ARB2A: variants seen among roughly 807,000 people sequenced by gnomAD.
ARB2A encodes the protein cotranscriptional regulator ARB2A.
the ARB2A span, among the ~76,000 whole-genome samples, chr5:93,986,717 C>G: frequency 6.6e-6 from 1 of 152,104 alleles, no homozygotes; most frequent in Non-Finnish European, 1.5e-5. Flanking sequence ...AACCTTACCC[C>G]CAACCCGGTG....
At chr5:93,980,145 T>G in the ARB2A span, among the ~76,000 whole-genome samples, 359 of 152,298 alleles carry the variant, frequency 2.4e-3, no homozygotes, top group African/African-American at 8.2e-3. Flanking sequence ...TTCTTTCTTC[T>G]TATTAATTCA....
At chr5:93,823,685 C>T in the ARB2A span, among the ~76,000 whole-genome samples, 1 of 152,128 alleles carries the variant, frequency 6.6e-6, no homozygotes, top group African/African-American at 2.4e-5. Context: ...CTGGTTAGCA[C>T]TAAAAAGCTC....
the ARB2A span, among the ~76,000 whole-genome samples, chr5:93,660,189 T>C: frequency 6.6e-6 from 1 of 152,170 alleles, no homozygotes; most frequent in Admixed American, 6.5e-5. Flanking sequence ...TCTCACAATA[T>C]GTAAGTGCTA....
chr5:94,037,913 CATATTACTAAT>C, the ARB2A span, among the ~76,000 whole-genome samples: 3 of 151,948 alleles, frequency 2.0e-5, no homozygotes, highest in African/African-American at 7.2e-5. Context: ...TTTTAGAAAA[CATATTACTAAT>C]TTAGGTCCAG....
At chr5:93,983,750 C>T in the ARB2A span, among the ~76,000 whole-genome samples, 1 of 152,178 alleles carries the variant, frequency 6.6e-6, no homozygotes, top group African/African-American at 2.4e-5. Flanking sequence ...CAAAATCACA[C>T]GCTCTTGATA....
the ARB2A span, among the ~76,000 whole-genome samples, chr5:93,874,971 T>C: frequency 6.6e-6 from 1 of 152,326 alleles, no homozygotes; most frequent in African/African-American, 2.4e-5. Flanking sequence ...AGATGCTATG[T>C]TTGCTTTACA....
chr5:93,736,466 T>C, the ARB2A span: 22 of 152,358 alleles, frequency 1.4e-4, no homozygotes, highest in African/African-American at 5.3e-4. Flanking sequence ...CTTCATGTTG[T>C]GGACTATGGA....
At chr5:94,002,449 G>GTT in the ARB2A span, among the ~76,000 whole-genome samples, 17 of 145,766 alleles carry the variant, frequency 1.2e-4, no homozygotes, top group African/African-American at 4.2e-4. Flanking sequence ...TATAGTTCAG[G>GTT]TTTTTTTTTT....
At chr5:93,963,037 T>A in the ARB2A span, among the ~76,000 whole-genome samples, 1 of 152,050 alleles carries the variant, frequency 6.6e-6, no homozygotes, top group Admixed American at 6.6e-5. Flanking sequence ...ATTATAGAGT[T>A]AGCAGACTCA....
At chr5:93,774,998 T>C in the ARB2A span, among the ~76,000 whole-genome samples, 1 of 152,058 alleles carries the variant, frequency 6.6e-6, no homozygotes, top group African/African-American at 2.4e-5. Flanking sequence ...TGTATAATAT[T>C]TAGGAACACA....
chr5:93,854,901 G>A, the ARB2A span, among the ~76,000 whole-genome samples: 1 of 152,158 alleles, frequency 6.6e-6, no homozygotes, highest in Non-Finnish European at 1.5e-5. Context: ...TTTGGAATAG[G>A]CATGCTGCAG....
chr5:93,758,949 GAA>G, the ARB2A span, among the ~76,000 whole-genome samples: 1 of 151,894 alleles, frequency 6.6e-6, no homozygotes, highest in African/African-American at 2.4e-5. Flanking sequence ...AAAAATAAAT[GAA>G]ACAAAAAGCT....
chr5:94,020,656 G>C, the ARB2A span, among the ~76,000 whole-genome samples: 1 of 152,128 alleles, frequency 6.6e-6, no homozygotes, highest in African/African-American at 2.4e-5. Context: ...ACATATTGTA[G>C]ATCTGATAAT....
chr5:93,951,357 C>T, the ARB2A span, among the ~76,000 whole-genome samples: 1 of 152,110 alleles, frequency 6.6e-6, no homozygotes, highest in Admixed American at 6.5e-5. Flanking sequence ...TCCATTTCTG[C>T]TTTGGTTGCC....
At chr5:93,954,568 G>C in the ARB2A span, among the ~76,000 whole-genome samples, 1 of 151,724 alleles carries the variant, frequency 6.6e-6, no homozygotes, top group Non-Finnish European at 1.5e-5. Context: ...AGTTTCTCTT[G>C]GGCTGCGAGC....
At chr5:94,067,615 A>G in the ARB2A span, among the ~76,000 whole-genome samples, 2 of 152,186 alleles carry the variant, frequency 1.3e-5, no homozygotes, top group South Asian at 4.1e-4. Flanking sequence ...AATAAATTTA[A>G]CCAAAGAGGT....
At chr5:93,769,096 T>C in the ARB2A span, among the ~76,000 whole-genome samples, 97 of 152,328 alleles carry the variant, frequency 6.4e-4, no homozygotes, top group East Asian at 0.017. Flanking sequence ...GAAATTATTA[T>C]GAACAACACA....
chr5:93,646,960 C>T, the ARB2A span, among the ~76,000 whole-genome samples: 3 of 152,234 alleles, frequency 2.0e-5, no homozygotes, highest in Admixed American at 2.0e-4. Context: ...TTATCACTCA[C>T]TTTTTCACTT....
At chr5:93,960,094 C>CG in the ARB2A span, among the ~76,000 whole-genome samples, 10 of 141,646 alleles carry the variant, frequency 7.1e-5, no homozygotes, top group African/African-American at 2.7e-4. Context: ...CCCCCCCCCC[C>CG]CAAAAAAAGC....
Sources: gnomAD v4.1 joint callset for allele counts (sites outside exome capture counted in the v4.1 genomes callset) on GRCh38, gnomAD v4.1.1 for gene constraint, MANE v1.5 for transcripts, NCBI Gene and HGNC (gene_info 2026-07-23, HGNC 2026-07-21) for gene names.